Variants in FAM171B observed in about 807,000 individuals in gnomAD.
FAM171B encodes protein FAM171B.
Under a neutral mutation model 75.6 loss-of-function variants are expected in FAM171B, and 19 were observed. The observed-to-expected ratio is 0.25, with a 90% CI of 0.18 to 0.37. The LOEUF (loss-of-function observed/expected upper bound fraction) is 0.37, where lower values mean the gene tolerates loss of function less well. Among genes scored for constraint, FAM171B ranks in the 10% least tolerant of loss-of-function variants. FAM171B has a pLI of 1.00. For missense variants in FAM171B, 848 were observed against 982.4 expected, an observed-to-expected ratio of 0.86 and a Z score of 1.83; for synonymous variants, 367 against 361.7, an observed-to-expected ratio of 1.01 and a Z score of -0.17.
chr2:186,739,658 T>A (rs1398124116), intron 1 of FAM171B, among the ~76,000 whole-genome samples: 1 of 152,172 alleles, frequency 6.6e-6, no homozygotes, highest in Non-Finnish European at 1.5e-5. Flanking sequence ...TCTCCCAAGA[T>A]AACAATGCCT....
chr2:186,746,442 T>G (rs1161654535), intron 3 of FAM171B, among the ~76,000 whole-genome samples: 1 of 152,220 alleles, frequency 6.6e-6, no homozygotes, highest in Non-Finnish European at 1.5e-5. Flanking sequence ...AGCATTTATT[T>G]ATTTCTCTTA....
At chr2:186,750,901 A>T (rs568114498) in intron 4 of FAM171B, among the ~76,000 whole-genome samples, 1 of 152,264 alleles carries the variant, frequency 6.6e-6, no homozygotes, top group Admixed American at 6.5e-5. Flanking sequence ...ACATCAGATG[A>T]CTTAGATAAC....
Position 186,694,060 on chromosome 2 carries a change from G to A in FAM171B, c.-114G>A. Reference sequence around the variant, plus strand: ...CCTCCTGCCGGTGAGGGAGTGCTTGGCAGATTGCGCGAGGGGGAGCGAGCG... The same window carrying A: ...CCTCCTGCCGGTGAGGGAGTGCTTGACAGATTGCGCGAGGGGGAGCGAGCG... On this transcript the variant is annotated 5_prime_UTR_variant, in exon 1 of 8. Coordinates refer to ENST00000304698, the MANE Select transcript of FAM171B (RefSeq NM_177454.4). 7.5e-7 allele frequency: 1 copy of A among 1,328,310 alleles called. No homozygotes were observed. The highest frequency in any genetic ancestry group is 9.7e-7 in the Non-Finnish European group (1 of 1,029,534). The allele number at this position is 1,328,310 out of a possible 1,614,324, so 82.3% of individuals were successfully genotyped here.
intron 1 of FAM171B, among the ~76,000 whole-genome samples, chr2:186,697,866 G>A (rs139322891): frequency 8.5e-4 from 129 of 151,780 alleles, no homozygotes; most frequent in African/African-American, 2.9e-3. Context: ...AAGAAAGCAA[G>A]ATTAAAAAAA....
chr2:186,705,503 C>T (rs1023549840), intron 1 of FAM171B, among the ~76,000 whole-genome samples: 1 of 152,086 alleles, frequency 6.6e-6, no homozygotes, highest in Non-Finnish European at 1.5e-5. Context: ...AGACAATCTG[C>T]AATTATCTAA....
chr2:186,715,936 G>A (rs993487182), intron 1 of FAM171B, among the ~76,000 whole-genome samples: 7 of 151,830 alleles, frequency 4.6e-5, no homozygotes, highest in Admixed American at 3.9e-4. Context: ...TATGTAATGG[G>A]TACCCATGTG....
intron 1 of FAM171B, among the ~76,000 whole-genome samples, chr2:186,711,648 A>AT (rs1457489514): frequency 2.0e-5 from 3 of 150,654 alleles, no homozygotes; most frequent in Non-Finnish European, 4.5e-5. Flanking sequence ...TTAATAAATT[A>AT]TTATTTTTTT....
At chr2:186,741,148 G>A (rs1483206038) in intron 2 of FAM171B, among the ~76,000 whole-genome samples, 2 of 152,148 alleles carry the variant, frequency 1.3e-5, no homozygotes, top group East Asian at 3.9e-4. Context: ...AGAAATCATT[G>A]AGAAAAGGTT....
chr2:186,738,258 T>C (rs545610117), intron 1 of FAM171B, among the ~76,000 whole-genome samples: 95 of 152,290 alleles, frequency 6.2e-4, no homozygotes, highest in African/African-American at 2.1e-3. Context: ...TGTTTGTTTC[T>C]GCTGCCCGCA....
chr2:186,734,829 G>C (rs952175627), intron 1 of FAM171B, among the ~76,000 whole-genome samples: 2 of 152,240 alleles, frequency 1.3e-5, no homozygotes, highest in African/African-American at 4.8e-5. Flanking sequence ...CTAGGCGACA[G>C]GGGGCTGGCC....
chr2:186,733,324 A>G (rs563642746), intron 1 of FAM171B, among the ~76,000 whole-genome samples: 2 of 152,330 alleles, frequency 1.3e-5, no homozygotes, highest in African/African-American at 2.4e-5. Context: ...TTATCAAGGC[A>G]GGGGAATTGC....
At position 186,762,926 on chromosome 2, in the gene FAM171B, G is replaced by C; in HGVS notation, c.*103G>C. The C allele has an allele frequency of 7.3e-7, 1 of 1,361,704 alleles. No individual in the cohort carries two copies. The highest frequency in any genetic ancestry group is 1.0e-6 in the Non-Finnish European group (1 of 995,060). 84.4% of individuals were successfully genotyped at this position (1,361,704 alleles called of 1,614,324 possible). A position where few individuals can be genotyped will look rare whatever the true frequency, so the allele number is the denominator to read the frequency against. On this transcript the variant is annotated 3_prime_UTR_variant, in exon 8 of 8. Coordinates refer to ENST00000304698, the MANE Select transcript of FAM171B (RefSeq NM_177454.4). The surrounding 1 kb of genome is among the most constrained non-coding windows in gnomAD (Gnocchi z 4.0). Reference sequence around the variant, plus strand: ...GAAAATGAGACTGAGCAATCTCATGGTTCTTGGACATGTCTCAAGCAGAGT... The same window carrying C: ...GAAAATGAGACTGAGCAATCTCATGCTTCTTGGACATGTCTCAAGCAGAGT...
At chr2:186,756,307 C>T in intron 6 of FAM171B, among the ~76,000 whole-genome samples, 1 of 144,618 alleles carries the variant, frequency 6.9e-6, no homozygotes, top group East Asian at 2.0e-4. Context: ...AGCAATACTA[C>T]ATTAGAAGTA....
At chr2:186,717,270 G>A (rs1484860910) in intron 1 of FAM171B, among the ~76,000 whole-genome samples, 1 of 152,178 alleles carries the variant, frequency 6.6e-6, no homozygotes, top group African/African-American at 2.4e-5. Flanking sequence ...CTTAGTTTAT[G>A]GGAATCTCTG....
At chr2:186,714,943 T>A (rs1689855098) in intron 1 of FAM171B, among the ~76,000 whole-genome samples, 1 of 152,240 alleles carries the variant, frequency 6.6e-6, no homozygotes, top group African/African-American at 2.4e-5. Context: ...TGTGTTATTC[T>A]CTCAGGCTTT....
At chr2:186,760,176 A>G (rs546026728) in intron 6 of FAM171B, among the ~76,000 whole-genome samples, 1 of 152,066 alleles carries the variant, frequency 6.6e-6, no homozygotes, top group South Asian at 2.1e-4. Flanking sequence ...ATTCATTTTT[A>G]TGTTGAAATC....
chr2:186,734,867 C>T (rs922523188), intron 1 of FAM171B, among the ~76,000 whole-genome samples: 1 of 152,212 alleles, frequency 6.6e-6, no homozygotes, highest in Non-Finnish European at 1.5e-5. Context: ...AGTGTGTGCA[C>T]ATCCAGCTGG....
intron 1 of FAM171B, among the ~76,000 whole-genome samples, chr2:186,705,103 C>T (rs1689716701): frequency 6.6e-6 from 1 of 152,248 alleles, no homozygotes; most frequent in Non-Finnish European, 1.5e-5. Context: ...GTTACAGCTC[C>T]TATGGTGTTA....
intron 3 of FAM171B, among the ~76,000 whole-genome samples, chr2:186,745,833 G>A (rs1194577819): frequency 6.6e-6 from 1 of 152,220 alleles, no homozygotes; most frequent in African/African-American, 2.4e-5. Flanking sequence ...AAAAGAGCAA[G>A]TCATAGGTAG....
Sources: allele counts gnomAD v4.1 joint callset (sites outside exome capture counted in the v4.1 genomes callset), GRCh38; gene constraint gnomAD v4.1.1; non-coding constraint Gnocchi (gnomAD v3.1); transcripts MANE v1.5; gene names NCBI Gene and HGNC (gene_info 2026-07-23, HGNC 2026-07-21).